Variants in PADI2 observed in about 807,000 individuals in gnomAD.
PADI2 encodes the protein protein-arginine deiminase type-2.
PADI2 carries 70 observed loss-of-function variants against 81.1 expected under a neutral mutation model. The observed-to-expected ratio is 0.86, with a 90% CI of 0.71 to 1.05. The LOEUF is 1.05. PADI2 is among the 50% of genes least tolerant of loss of function. PADI2 has a pLI of 0.00. For synonymous variants in PADI2, 338 were observed against 358.0 expected (o/e 0.94, Z 0.63); for missense variants, 853 against 889.9 (o/e 0.96, Z 0.53).
chr1:17,073,416 C>CAA lies in PADI2; in HGVS notation c.1549+1438_1549+1439dup, dbSNP rs55941211. On this transcript the variant is annotated intron_variant, in intron 13 of 15. Coordinates refer to ENST00000375486, the MANE Select transcript of PADI2 (RefSeq NM_007365.3). Reference sequence around the variant, plus strand: ...TGGACGACAGAGTGAGACTGTGTCTCAAAAAAAAAAAAAAAAAGTATAACG... The same window carrying CAA: ...TGGACGACAGAGTGAGACTGTGTCTCAAAAAAAAAAAAAAAAAAAGTATAACG... 2.0e-3 allele frequency among the ~76,000 whole-genome samples: 256 copies of CAA among 127,438 alleles called. 7 individuals carry two copies. Among genetic ancestry groups the CAA allele is most frequent in the Middle Eastern group, 4.0e-3 (1 of 250 alleles). The allele number at this position is 127,438 out of a possible 152,430, so 83.6% of individuals were successfully genotyped here.
chr1:17,106,906 G>T (rs1931400515), intron 1 of PADI2, among the ~76,000 whole-genome samples: 1 of 151,182 alleles, frequency 6.6e-6, no homozygotes, highest in Non-Finnish European at 1.5e-5. Context: ...CAGGAAGAAA[G>T]CCGTCACCAG....
intron 3 of PADI2, among the ~76,000 whole-genome samples, chr1:17,102,721 C>T (rs1477150997): frequency 6.8e-6 from 1 of 147,406 alleles, no homozygotes. Context: ...CTTTTAGGGC[C>T]ACAGAGCCTG....
intron 4 of PADI2, 132 bp from the exon 5 acceptor site, chr1:17,093,816 A>T: frequency 3.4e-6 from 2 of 587,956 alleles, no homozygotes; most frequent in Non-Finnish European, 6.1e-6. Flanking sequence ...TGACCTGGCA[A>T]ATGTGAATCT....
intron 1 of PADI2, among the ~76,000 whole-genome samples, chr1:17,111,239 C>G (rs145767179): frequency 1.3e-5 from 2 of 151,924 alleles, no homozygotes; most frequent in Non-Finnish European, 2.9e-5. Flanking sequence ...AGGAGCCCAC[C>G]ACCACGCCTG....
intron 1 of PADI2, among the ~76,000 whole-genome samples, chr1:17,116,684 C>A (rs1397517857): frequency 6.6e-6 from 1 of 152,104 alleles, no homozygotes; most frequent in African/African-American, 2.4e-5. Flanking sequence ...GGACCTGAGT[C>A]CTGTGTGACT....
chr1:17,079,069 G>T, intron 11 of PADI2, 195 bp downstream of exon 11: 1 of 493,692 alleles, frequency 2.0e-6, no homozygotes, highest in Non-Finnish European at 3.6e-6. Flanking sequence ...TTATATATTA[G>T]ATCCTAAATC....
intron 3 of PADI2, among the ~76,000 whole-genome samples, chr1:17,098,793 T>G (rs1355071290): frequency 6.6e-6 from 1 of 152,214 alleles, no homozygotes; most frequent in African/African-American, 2.4e-5. Context: ...GTCATGCCCA[T>G]GGGACTTCGC....
At chr1:17,098,446 T>G (rs1410555106) in intron 3 of PADI2, among the ~76,000 whole-genome samples, 1 of 152,252 alleles carries the variant, frequency 6.6e-6, no homozygotes, top group Non-Finnish European at 1.5e-5. Flanking sequence ...TGGAAACATT[T>G]TATTCATGTA....
At chr1:17,114,713 T>C (rs971732503) in intron 1 of PADI2, among the ~76,000 whole-genome samples, 3 of 149,028 alleles carry the variant, frequency 2.0e-5, no homozygotes, top group African/African-American at 4.9e-5. Context: ...CGACATGGGG[T>C]AGTCAAAGAA....
chr1:17,079,080 A>G (rs1346028390), intron 11 of PADI2, 184 bp downstream of exon 11: 2 of 527,552 alleles, frequency 3.8e-6, no homozygotes, highest in Non-Finnish European at 6.8e-6. Context: ...ATCCTAAATC[A>G]CACAAAGATA....
At chr1:17,113,390 C>T (rs1931651404) in intron 1 of PADI2, among the ~76,000 whole-genome samples, 1 of 152,128 alleles carries the variant, frequency 6.6e-6, no homozygotes, top group Non-Finnish European at 1.5e-5. Context: ...TTCGATAACC[C>T]CATGAGGCCC....
At chr1:17,100,991 T>C (rs1412550270) in intron 3 of PADI2, among the ~76,000 whole-genome samples, 1 of 151,876 alleles carries the variant, frequency 6.6e-6, no homozygotes, top group Non-Finnish European at 1.5e-5. Flanking sequence ...TTTTTTTTTC[T>C]TTTTTTTGCC....
In PADI2 at chr1:17,079,517, A is replaced by G. The variant is rs931988331; in HGVS notation, c.1159-102T>C. ...TCACCTTCAGTCTGGGTCTGTGGGC[A>G]CCCAGTTTCCAGGTGGGTTGTCCAC... On this transcript the variant is annotated intron_variant, in intron 10 of 15. Transcript: ENST00000375486. The G allele has an allele frequency of 1.4e-5, 14 of 1,007,060 alleles. No homozygotes were observed. The African/African-American group carries it at 1.9e-4, about 14-fold the overall frequency. The allele number at this position is 1,007,060 out of a possible 1,614,324, so 62.4% of individuals were successfully genotyped here.
intron 13 of PADI2, among the ~76,000 whole-genome samples, chr1:17,074,418 A>G (rs983435802): frequency 2.6e-5 from 4 of 151,520 alleles, no homozygotes; most frequent in Admixed American, 2.6e-4. Flanking sequence ...AAGTATTATA[A>G]AAATGGGGCT....
intron 11 of PADI2, among the ~76,000 whole-genome samples, chr1:17,077,849 C>G (rs1199216886): frequency 6.6e-6 from 1 of 152,210 alleles, no homozygotes; most frequent in African/African-American, 2.4e-5. Context: ...AAGGTATTCA[C>G]TCTTTCCCCA....
At chr1:17,096,008 C>A in intron 3 of PADI2, 38 bp from the exon 4 acceptor site, 1 of 1,537,902 alleles carries the variant, frequency 6.5e-7, no homozygotes, top group Non-Finnish European at 8.9e-7. Context: ...CTGAGCCTGC[C>A]AGGCAGGGCA....
At chr1:17,095,088 C>T (rs1570993917) in intron 4 of PADI2, among the ~76,000 whole-genome samples, 1 of 152,332 alleles carries the variant, frequency 6.6e-6, no homozygotes, top group Non-Finnish European at 1.5e-5. Context: ...TTACTCTAGG[C>T]TTCAGAGTGT....
rs75215695 is a variant in PADI2 at position 17,084,513 on chromosome 1, G to A, written c.938+86C>T. The A allele has an allele frequency of 1.3e-3, 952 of 739,524 alleles. 6 individuals are homozygous for A. The African/African-American group carries it at 0.015, about 11-fold the overall frequency. 45.8% of individuals were successfully genotyped at this position (739,524 alleles called of 1,614,324 possible). Reference sequence around the variant, plus strand: ...TCAAGGTAACACAGTGGTAAGTGACGGGGCCAGGAACTAGACTCATGTCCA... The same window carrying A: ...TCAAGGTAACACAGTGGTAAGTGACAGGGCCAGGAACTAGACTCATGTCCA... On this transcript the variant is annotated intron_variant, in intron 8 of 15. Coordinates refer to ENST00000375486, the MANE Select transcript of PADI2 (RefSeq NM_007365.3).
At chr1:17,094,538 T>C (rs990949880) in intron 4 of PADI2, among the ~76,000 whole-genome samples, 11 of 152,224 alleles carry the variant, frequency 7.2e-5, no homozygotes, top group African/African-American at 2.7e-4. Flanking sequence ...TTGGGAGGAC[T>C]TAGGACAACT....
Sources: gnomAD v4.1 joint callset for allele counts (sites outside exome capture counted in the v4.1 genomes callset) on GRCh38, gnomAD v4.1.1 for gene constraint, MANE v1.5 for transcripts, NCBI Gene and HGNC (gene_info 2026-07-23, HGNC 2026-07-21) for gene names.